The following GRID2 variants were observed in gnomAD, a reference collection of about 807,000 sequenced individuals.
GRID2 encodes the protein glutamate ionotropic receptor delta type subunit 2, also known as glutamate receptor ionotropic, delta-2.
GRID2 carries 33 observed loss-of-function variants against 114.8 expected under a neutral mutation model. That is an observed-to-expected ratio of 0.29 (90% confidence interval 0.22 to 0.38). GRID2 has a LOEUF of 0.38. Ranked by LOEUF, GRID2 falls within the 10% of genes least tolerant of loss-of-function variation. The pLI is 1.00. For synonymous variants in GRID2, 505 were observed against 449.9 expected (o/e 1.12, Z -1.55); for missense variants, 1,184 against 1,257.7 (o/e 0.94, Z 0.89).
intron 2 of GRID2, among the ~76,000 whole-genome samples, chr4:93,041,882 A>G (rs1323995446): frequency 6.6e-6 from 1 of 151,966 alleles, no homozygotes; most frequent in Non-Finnish European, 1.5e-5. Flanking sequence ...ATATACACAC[A>G]TATATATTTT....
chr4:92,312,236 G>C (rs1725745915), intron 1 of GRID2, among the ~76,000 whole-genome samples: 1 of 152,024 alleles, frequency 6.6e-6, no homozygotes, highest in Non-Finnish European at 1.5e-5. Flanking sequence ...GATTCTGTAG[G>C]GACTTACAGG....
intron 11 of GRID2, among the ~76,000 whole-genome samples, chr4:93,456,946 A>G (rs1471675014): frequency 6.6e-6 from 1 of 152,130 alleles, no homozygotes; most frequent in Non-Finnish European, 1.5e-5. Flanking sequence ...TTCCATATCC[A>G]GGGCTCTAAG....
intron 1 of GRID2, among the ~76,000 whole-genome samples, chr4:92,565,818 C>A (rs959533559): frequency 1.3e-5 from 2 of 151,956 alleles, no homozygotes; most frequent in Non-Finnish European, 2.9e-5. Context: ...TTAAAGAATG[C>A]TGATAATTGA....
intron 2 of GRID2, among the ~76,000 whole-genome samples, chr4:92,849,697 T>C (rs899302645): frequency 1.3e-5 from 2 of 151,850 alleles, no homozygotes; most frequent in African/African-American, 2.4e-5. Flanking sequence ...TATATTTACT[T>C]TGATATTACC....
At chr4:93,174,433 T>C (rs557538583) in intron 4 of GRID2, among the ~76,000 whole-genome samples, 11 of 152,316 alleles carry the variant, frequency 7.2e-5, no homozygotes, top group African/African-American at 2.4e-4. Flanking sequence ...ATCTAAGTTG[T>C]TTCATGGCTG....
chr4:92,530,508 G>GAAAAAAAAAAAA (rs70942906), intron 1 of GRID2, among the ~76,000 whole-genome samples: 1 of 107,212 alleles, frequency 9.3e-6, no homozygotes, highest in Non-Finnish European at 1.9e-5. Context: ...GACTAGTACA[G>GAAAAAAAAAAAA]AAAAAAAAAA....
intron 8 of GRID2, among the ~76,000 whole-genome samples, chr4:93,263,456 A>T (rs1750476028): frequency 6.6e-6 from 1 of 151,996 alleles, no homozygotes; most frequent in Non-Finnish European, 1.5e-5. Flanking sequence ...TTCTATAAAG[A>T]ATTAAGTGGA....
intron 1 of GRID2, among the ~76,000 whole-genome samples, chr4:92,483,504 A>G (rs1028826900): frequency 1.3e-5 from 2 of 152,140 alleles, no homozygotes; most frequent in Admixed American, 6.6e-5. Context: ...GTCAATATGT[A>G]TGTTGGGAAA....
chr4:93,289,719 T>A (rs1176575558), intron 8 of GRID2, among the ~76,000 whole-genome samples: 1 of 152,218 alleles, frequency 6.6e-6, no homozygotes. Flanking sequence ...TTAGTCTGTG[T>A]TGCTAAGGCC....
chr4:92,795,123 C>T (rs1195313080), intron 2 of GRID2, among the ~76,000 whole-genome samples: 1 of 151,288 alleles, frequency 6.6e-6, no homozygotes, highest in Admixed American at 6.6e-5. Flanking sequence ...TTTAGGGTGG[C>T]AGAGCAGAAC....
At chr4:93,048,647 T>C (rs1363963062) in intron 2 of GRID2, among the ~76,000 whole-genome samples, 1 of 152,106 alleles carries the variant, frequency 6.6e-6, no homozygotes, top group Non-Finnish European at 1.5e-5. Context: ...CCACTTATTA[T>C]AAAATTTTCA....
chr4:93,286,522 G>A (rs1340476358), intron 8 of GRID2, among the ~76,000 whole-genome samples: 1 of 151,848 alleles, frequency 6.6e-6, no homozygotes, highest in Non-Finnish European at 1.5e-5. Flanking sequence ...ACTTCTCCTG[G>A]GAGCTTCCTT....
intron 2 of GRID2, among the ~76,000 whole-genome samples, chr4:92,923,713 A>G (rs1749559098): frequency 6.6e-6 from 1 of 152,202 alleles, no homozygotes; most frequent in Non-Finnish European, 1.5e-5. Flanking sequence ...GTTATTACAG[A>G]TAGCTCCATG....
chr4:93,796,807 C>G (rs943471901), intron 1 of GRID2, among the ~76,000 whole-genome samples: 6 of 152,164 alleles, frequency 3.9e-5, no homozygotes, highest in African/African-American at 1.4e-4. Context: ...GCCTTGGCCT[C>G]CCAGAGTGCT....
chr4:92,943,249 C>A (rs980106501), intron 2 of GRID2, among the ~76,000 whole-genome samples: 1 of 152,294 alleles, frequency 6.6e-6, no homozygotes, highest in East Asian at 1.9e-4. Context: ...GCCCATATTT[C>A]TTGGGGGCTT....
intron 2 of GRID2, among the ~76,000 whole-genome samples, chr4:93,048,119 G>A (rs750060470): frequency 2.0e-4 from 30 of 152,152 alleles, no homozygotes; most frequent in Non-Finnish European, 3.5e-4. Flanking sequence ...GCCCCACTCA[G>A]GATGACGGTG....
chr4:93,347,670 G>C (rs959513626), intron 8 of GRID2, among the ~76,000 whole-genome samples: 4 of 152,050 alleles, frequency 2.6e-5, no homozygotes, highest in Non-Finnish European at 5.9e-5. Context: ...ATTTGCTAAT[G>C]TATTACTTAG....
Position 92,618,964 on chromosome 4 carries a change from G to A in GRID2, c.244+28678G>A, listed in dbSNP as rs528937554. On this transcript the variant is annotated intron_variant, in intron 2 of 15. Transcript: ENST00000282020. The stretch of plus-strand genomic sequence containing the variant: ...TTTTTCTAGATCCTGTCTTCTGAGA[G>A]TGGGGACAATATGGCTTCCTCCTTT... Among the ~76,000 whole-genome samples the A allele has an allele frequency of 3.3e-5, 5 of 151,818 alleles. No homozygotes were observed. The East Asian group carries it at 7.8e-4, about 24-fold the overall frequency.
At chr4:92,402,086 C>T (rs956585109) in intron 1 of GRID2, among the ~76,000 whole-genome samples, 7 of 151,978 alleles carry the variant, frequency 4.6e-5, no homozygotes, top group Non-Finnish European at 4.4e-5. Context: ...TTTCCTCATT[C>T]GTAAGAAGCT....
Sources: gnomAD v4.1 joint callset for allele counts (sites outside exome capture counted in the v4.1 genomes callset) on GRCh38, gnomAD v4.1.1 for gene constraint, MANE v1.5 for transcripts, NCBI Gene and HGNC (gene_info 2026-07-23, HGNC 2026-07-21) for gene names.